The following FGGY variants were observed in gnomAD, a reference collection of about 807,000 sequenced individuals.
The protein encoded by FGGY is FGGY carbohydrate kinase domain-containing protein.
Under a neutral mutation model 71.3 loss-of-function variants are expected in FGGY, and 72 were observed. That is an observed-to-expected ratio of 1.01 (90% CI 0.84 to 1.23). The LOEUF (loss-of-function observed/expected upper bound fraction) is 1.23, where lower values mean the gene tolerates loss of function less well. FGGY is among the 50% of genes most tolerant of loss of function. The pLI is 0.00. For missense variants in FGGY, 668 were observed against 682.3 expected (o/e 0.98, Z 0.23); for synonymous variants, 251 against 250.3 (o/e 1.00, Z -0.02).
At chr1:59,657,247 A>AT in intron 11 of FGGY, among the ~76,000 whole-genome samples, 1 of 152,336 alleles carries the variant, frequency 6.6e-6, no homozygotes, top group Non-Finnish European at 1.5e-5. Context: ...CACTCCCAAC[A>AT]AAAATCATCC....
At chr1:59,498,528 G>A (rs2094120088) in intron 6 of FGGY, among the ~76,000 whole-genome samples, 1 of 152,072 alleles carries the variant, frequency 6.6e-6, no homozygotes, top group Non-Finnish European at 1.5e-5. Context: ...CTCTAATGCA[G>A]GGCTCTTCAT....
At chr1:59,698,887 G>A (rs1460270308) in intron 14 of FGGY, 9 of 985,374 alleles carry the variant, frequency 9.1e-6, no homozygotes, top group Admixed American at 6.1e-5. Context: ...TGTACATGTC[G>A]TATGTTTTAT....
At chr1:59,590,313 A>C (rs2096404868) in intron 8 of FGGY, among the ~76,000 whole-genome samples, 1 of 152,196 alleles carries the variant, frequency 6.6e-6, no homozygotes, top group South Asian at 2.1e-4. Context: ...ACCAACCAAA[A>C]AGAGTCCAGG....
intron 10 of FGGY, among the ~76,000 whole-genome samples, chr1:59,632,229 T>G (rs1204708476): frequency 6.6e-6 from 1 of 152,188 alleles, no homozygotes; most frequent in Non-Finnish European, 1.5e-5. Context: ...CATATACACA[T>G]ATGCATATAT....
chr1:59,616,573 T>C (rs2096757021), intron 9 of FGGY, among the ~76,000 whole-genome samples: 1 of 152,124 alleles, frequency 6.6e-6, no homozygotes, highest in African/African-American at 2.4e-5. Flanking sequence ...ATGGCACATG[T>C]ATACATATGT....
At chr1:59,593,293 A>G (rs114114098) in intron 8 of FGGY, among the ~76,000 whole-genome samples, 3,159 of 152,332 alleles carry the variant, frequency 0.021, 52 homozygotes, top group Non-Finnish European at 0.034. Context: ...AAGGCAATCA[A>G]CATATAAATG....
intron 7 of FGGY, among the ~76,000 whole-genome samples, chr1:59,525,084 C>T (rs890608125): frequency 3.3e-5 from 5 of 152,218 alleles, no homozygotes; most frequent in Admixed American, 2.6e-4. Flanking sequence ...CATCCAGATG[C>T]GGGTGCCCAT....
intron 10 of FGGY, chr1:59,626,331 T>A (rs2096856220): frequency 3.0e-6 from 1 of 331,246 alleles, no homozygotes; most frequent in Admixed American, 4.7e-5. Context: ...TCAAAACTTC[T>A]TAGTTTCACA....
chr1:59,482,102 G>A (rs1041329422), intron 6 of FGGY, among the ~76,000 whole-genome samples: 4 of 152,118 alleles, frequency 2.6e-5, no homozygotes, highest in African/African-American at 7.2e-5. Context: ...TGGTGAACAA[G>A]ATCTGTATTC....
chr1:59,346,307 G>T lies in FGGY; in HGVS notation c.374G>T (p.Arg125Met). Reference protein sequence around the residue: ...LDHRAVSQVNRINETKHSVLQ... With the variant: ...LDHRAVSQVNMINETKHSVLQ... Reference sequence around the variant, plus strand: ...CATCGAGCAGTCAGTCAAGTTAACAGGATCAATGAGACCAAGCACAGTGTC... The same window carrying T: ...CATCGAGCAGTCAGTCAAGTTAACATGATCAATGAGACCAAGCACAGTGTC... The change falls in exon 4 of 16, where the codon AGG becomes ATG. Residue 125 changes from arginine to methionine, a missense_variant. By Grantham distance (91) the Arg-to-Met change is moderately conservative. Coordinates refer to ENST00000303721, the MANE Select transcript of FGGY (RefSeq NM_018291.5). The T allele has an allele frequency of 6.2e-7, 1 of 1,612,546 alleles. No individual in the cohort carries two copies. Among genetic ancestry groups the T allele is most frequent in the Non-Finnish European group, 8.5e-7 (1 of 1,179,762 alleles).
At chr1:59,649,169 G>A (rs2153925995) in intron 11 of FGGY, among the ~76,000 whole-genome samples, 1 of 150,552 alleles carries the variant, frequency 6.6e-6, no homozygotes, top group South Asian at 2.1e-4. Flanking sequence ...AGTATAGTTT[G>A]AAGTCAGGTA....
chr1:59,660,169 C>T lies in FGGY; in HGVS notation c.1222-50C>T, dbSNP rs77143754. 4,383 of 1,506,506 alleles carry T rather than the reference C, an allele frequency of 2.9e-3. 103 individuals are homozygous for T. In the African/African-American group the frequency reaches 0.052, roughly 18 times the overall value. The allele number at this position is 1,506,506 out of a possible 1,614,324, so 93.3% of individuals were successfully genotyped here. On this transcript the variant is annotated intron_variant, in intron 11 of 15. Transcript: ENST00000303721. ...ATTTCATGGGAACTATCTTTATCCA[C>T]GGCAGCTTCTTTTGACCATCTTCTT...
intron 6 of FGGY, among the ~76,000 whole-genome samples, chr1:59,494,236 T>A (rs2093966403): frequency 6.6e-6 from 1 of 152,118 alleles, no homozygotes; most frequent in African/African-American, 2.4e-5. Flanking sequence ...CAAATGCAAA[T>A]GTGGCTAATT....
At chr1:59,546,950 CTTT>C (rs761977942) in intron 7 of FGGY, among the ~76,000 whole-genome samples, 5 of 115,202 alleles carry the variant, frequency 4.3e-5, no homozygotes, top group African/African-American at 1.4e-4. Flanking sequence ...ACCTTTTTGA[CTTT>C]TTTTTTTTTT....
chr1:59,671,062 TG>T (rs1328295781), intron 13 of FGGY, among the ~76,000 whole-genome samples: 1 of 152,246 alleles, frequency 6.6e-6, no homozygotes, highest in Non-Finnish European at 1.5e-5. Flanking sequence ...AAGCATTCTC[TG>T]TGCACACCAG....
intron 6 of FGGY, among the ~76,000 whole-genome samples, chr1:59,463,103 A>T (rs2092368041): frequency 6.6e-6 from 1 of 150,896 alleles, no homozygotes; most frequent in African/African-American, 2.5e-5. Context: ...TGTGGCACAT[A>T]TACACCATGG....
intron 7 of FGGY, among the ~76,000 whole-genome samples, chr1:59,534,546 G>T (rs1305249245): frequency 1.3e-5 from 2 of 152,086 alleles, no homozygotes; most frequent in Admixed American, 6.6e-5. Context: ...CACCAAAGTT[G>T]AAATGAAGGA....
Position 59,327,472 on chromosome 1 carries a change from G to A in FGGY, c.201+5722G>A, listed in dbSNP as rs936053324. 4.6e-5 allele frequency among the ~76,000 whole-genome samples: 7 copies of A among 152,062 alleles called. No homozygotes were observed. In the East Asian group the frequency reaches 7.7e-4, roughly 17 times the overall value. Reference sequence around the variant, plus strand: ...CAGGGTCCACTTCTAATTCTAGTTCGTTTGGTATTTCCACTACCTCTGCAG... The same window carrying A: ...CAGGGTCCACTTCTAATTCTAGTTCATTTGGTATTTCCACTACCTCTGCAG... On this transcript the variant is annotated intron_variant, in intron 2 of 15. Coordinates refer to ENST00000303721, the MANE Select transcript of FGGY (RefSeq NM_018291.5).
chr1:59,548,610 A>T (rs1304135120), intron 7 of FGGY, among the ~76,000 whole-genome samples: 2 of 152,256 alleles, frequency 1.3e-5, no homozygotes, highest in Admixed American at 1.3e-4. Context: ...GCAAAGGTTC[A>T]TATAGTACTA....
Sources: gnomAD v4.1 joint callset for allele counts (sites outside exome capture counted in the v4.1 genomes callset) on GRCh38, gnomAD v4.1.1 for gene constraint, MANE v1.5 for transcripts, NCBI Gene and HGNC (gene_info 2026-07-23, HGNC 2026-07-21) for gene names.